Variants in UBFD1 observed in about 807,000 individuals in gnomAD.
UBFD1 encodes ubiquitin domain-containing protein UBFD1.
Under a neutral mutation model 35.1 loss-of-function variants are expected in UBFD1, and 12 were observed. The ratio of observed to expected loss-of-function variants is 0.34; its 90% CI spans 0.22 to 0.55. The LOEUF is 0.55. UBFD1 is among the 20% of genes least tolerant of loss of function. UBFD1 has a pLI of 0.89. For synonymous variants in UBFD1, 178 were observed against 167.6 expected (o/e 1.06, Z -0.48); for missense variants, 337 against 410.8 (o/e 0.82, Z 1.55).
chr16:23,559,949 G>C, intron 3 of UBFD1: 1 of 1,363,498 alleles, frequency 7.3e-7, no homozygotes, highest in Admixed American at 2.6e-5. Context: ...AAAGGAATCA[G>C]ACGTGGGTTT....
rs1012906719 is a variant in UBFD1, at chr16:23,562,316, C to T, written c.630+45C>T. ...GAGCATTCTGAAAATGAGGCAGCCC[C>T]ACCGTCTGACTTGAGGTTCCTCCAA... On this transcript the variant is annotated intron_variant, in intron 4 of 6. Coordinates refer to ENST00000395878, the MANE Select transcript of UBFD1 (RefSeq NM_019116.3). 9 of 1,572,150 alleles carry T rather than the reference C, an allele frequency of 5.7e-6. No homozygotes were observed. The Admixed American group carries it at 8.5e-5, about 15-fold the overall frequency.
chr16:23,559,931 A>T (rs1044120837), intron 3 of UBFD1: 2 of 1,455,736 alleles, frequency 1.4e-6, no homozygotes, highest in African/African-American at 2.8e-5. Flanking sequence ...GCTTCAGACC[A>T]TGTGTTGAAA....
In UBFD1 at chr16:23,571,353, G is replaced by A. The variant is rs1014630846; in HGVS notation, c.*763G>A. ...GTTGAGCAGCAGAGTATCTCCCAGTGACTCCTGTTTAAATGTCTTGCCCTT... is the reference window on the plus strand; with the variant it reads ...GTTGAGCAGCAGAGTATCTCCCAGTAACTCCTGTTTAAATGTCTTGCCCTT... On this transcript the variant is annotated 3_prime_UTR_variant, in exon 7 of 7. Transcript: ENST00000395878. 2 of 152,660 alleles carry A rather than the reference G, an allele frequency of 1.3e-5. No homozygotes were observed. The highest frequency in any genetic ancestry group is 2.9e-5 in the Non-Finnish European group (2 of 68,084). The allele number at this position is 152,660 out of a possible 1,614,324, so 9.5% of individuals were successfully genotyped here.
rs954839314 is a variant in UBFD1 at position 23,572,423 on chromosome 16, A to G, written c.*1833A>G. 6.6e-6 allele frequency: 1 copy of G among 152,338 alleles called. No homozygotes were observed. The highest frequency in any genetic ancestry group is 1.5e-5 in the Non-Finnish European group (1 of 68,074). The allele number at this position is 152,338 out of a possible 1,614,324, so 9.4% of individuals were successfully genotyped here. A position where few individuals can be genotyped will look rare whatever the true frequency, so the allele number is the denominator to read the frequency against. On this transcript the variant is annotated 3_prime_UTR_variant, in exon 7 of 7. Coordinates refer to ENST00000395878, the MANE Select transcript of UBFD1 (RefSeq NM_019116.3). ...ACAGGTTTTGGGGGAAATGAGATGC[A>G]TTAAGTAGAACATCATCTCGGGTCA...
At chr16:23,559,324 G>A in intron 2 of UBFD1, 144 bp from the exon 3 acceptor site, 13 of 671,898 alleles carry the variant, frequency 1.9e-5, no homozygotes, top group Non-Finnish European at 3.3e-5. Flanking sequence ...GAGGTTCAGA[G>A]GTTGTAAATC....
At chr16:23,560,841 C>T (rs977834483) in intron 3 of UBFD1, among the ~76,000 whole-genome samples, 1 of 152,228 alleles carries the variant, frequency 6.6e-6, no homozygotes, top group Non-Finnish European at 1.5e-5. Flanking sequence ...TTCACCCCCA[C>T]ATATGGGGTC....
intron 5 of UBFD1, 148 bp from the exon 6 acceptor site, chr16:23,566,839 C>T: frequency 1.4e-6 from 1 of 697,816 alleles, no homozygotes; most frequent in Non-Finnish European, 2.5e-6. Flanking sequence ...TCAGAAGACC[C>T]TGTCGTGTTG....
intron 5 of UBFD1, chr16:23,564,962 CTTG>C (rs1965989315): frequency 6.6e-6 from 1 of 152,204 alleles, no homozygotes; most frequent in Non-Finnish European, 1.5e-5. Context: ...ACTCACCAGT[CTTG>C]TTGAGGAGCA....
At chr16:23,557,791 C>T (rs778913666) in intron 1 of UBFD1, 24 bp downstream of exon 1, 2 of 1,272,470 alleles carry the variant, frequency 1.6e-6, no homozygotes, top group Non-Finnish European at 2.0e-6. Flanking sequence ...GGGTGGCGGG[C>T]GCCGGGCCGG....
chr16:23,564,413 GT>G (rs1401383947), intron 5 of UBFD1: 3 of 152,232 alleles, frequency 2.0e-5, no homozygotes, highest in Non-Finnish European at 4.4e-5. Flanking sequence ...GTCAAAGCAA[GT>G]TTTGCAGAAT....
At chr16:23,570,146 T>C (rs904135370) in intron 6 of UBFD1, among the ~76,000 whole-genome samples, 12 of 152,196 alleles carry the variant, frequency 7.9e-5, no homozygotes, top group African/African-American at 2.9e-4. Context: ...TTGCATCACC[T>C]GGGAGCTTGC....
At chr16:23,563,570 C>T (rs1320635587) in intron 5 of UBFD1, among the ~76,000 whole-genome samples, 4 of 152,206 alleles carry the variant, frequency 2.6e-5, no homozygotes, top group Non-Finnish European at 4.4e-5. Context: ...TACCCTGTTT[C>T]ACTGCCCCAT....
chr16:23,558,419 C>T (rs1965862574), intron 2 of UBFD1, 140 bp downstream of exon 2: 1 of 1,083,962 alleles, frequency 9.2e-7, no homozygotes, highest in African/African-American at 1.7e-5. Context: ...CTTGGATGCC[C>T]ATTACTCAGC....
intron 3 of UBFD1, 77 bp downstream of exon 3, chr16:23,559,753 C>T: frequency 6.3e-7 from 1 of 1,588,072 alleles, no homozygotes; most frequent in East Asian, 2.3e-5. Context: ...TTATATTCTC[C>T]CTAGAATAAG....
At chr16:23,564,828 C>T (rs1419511845) in intron 5 of UBFD1, 1 of 152,232 alleles carries the variant, frequency 6.6e-6, no homozygotes, top group Non-Finnish European at 1.5e-5. Flanking sequence ...CAAGAACTTC[C>T]TGACCCTGTA....
intron 6 of UBFD1, among the ~76,000 whole-genome samples, chr16:23,567,759 G>A (rs1966030654): frequency 1.3e-5 from 2 of 152,272 alleles, no homozygotes; most frequent in African/African-American, 2.4e-5. Flanking sequence ...TTCTGCAGTT[G>A]CCCATCAGGG....
intron 4 of UBFD1, 49 bp from the exon 5 acceptor site, chr16:23,562,576 T>G: frequency 6.3e-7 from 1 of 1,581,086 alleles, no homozygotes; most frequent in Non-Finnish European, 8.7e-7. Flanking sequence ...CCCCCTTCTC[T>G]TTTTTTCTGA....
rs1715892838 is a variant in UBFD1, at chr16:23,571,075, G to A, written c.*485G>A. 6.6e-6 allele frequency: 1 copy of A among 152,316 alleles called. No individual in the cohort carries two copies. The allele number at this position is 152,316 out of a possible 1,614,324, so 9.4% of individuals were successfully genotyped here. A position where few individuals can be genotyped will look rare whatever the true frequency, so the allele number is the denominator to read the frequency against. On this transcript the variant is annotated 3_prime_UTR_variant, in exon 7 of 7. Transcript: ENST00000395878. ...TTTGTATAAAATTGTATGCAAAATG[G>A]GGGTGGGTTAGTAAGCCACATATTT...
Position 23,559,637 on chromosome 16 carries a change from G to A in UBFD1, c.525G>A (p.Lys175=), listed in dbSNP as rs372280235. The A allele has an allele frequency of 6.2e-7, 1 of 1,614,144 alleles. No individual in the cohort carries two copies. Among genetic ancestry groups the A allele is most frequent in the Non-Finnish European group, 8.5e-7 (1 of 1,180,056 alleles). The change falls in exon 3 of 7, where the codon AAG becomes AAA. Residue 175 remains lysine, a synonymous_variant. Transcript: ENST00000395878. The part of the protein sequence containing the change: ...TPKDAAQQDA[K]AEENKKEPLC... ...AAGATGCTGCGCAGCAGGATGCAAA[G>A]GCCGAAGAGAACAAGAAGGAGCCTC...
Sources: allele counts gnomAD v4.1 joint callset (sites outside exome capture counted in the v4.1 genomes callset), GRCh38; gene constraint gnomAD v4.1.1; transcripts MANE v1.5; gene names NCBI Gene and HGNC (gene_info 2026-07-23, HGNC 2026-07-21).